Variants in DCC observed in about 807,000 individuals in gnomAD.
The protein encoded by DCC is netrin receptor DCC.
DCC carries 58 observed loss-of-function variants against 172.5 expected under a neutral mutation model. The ratio of observed to expected loss-of-function variants is 0.34; its 90% CI spans 0.27 to 0.42. The LOEUF (loss-of-function observed/expected upper bound fraction) is 0.42, where lower values mean the gene tolerates loss of function less well. Ranked by LOEUF, DCC falls within the 10% of genes least tolerant of loss-of-function variation. DCC has a pLI of 1.00. For missense variants in DCC, 1,740 were observed against 1,791.0 expected (o/e 0.97, Z 0.51); for synonymous variants, 709 against 644.5 (o/e 1.10, Z -1.52).
intron 17 of DCC, among the ~76,000 whole-genome samples, chr18:53,395,887 T>C (rs1369418501): frequency 6.6e-6 from 1 of 152,088 alleles, no homozygotes. Flanking sequence ...GAGTGATCCA[T>C]CCGCCTCGGC....
intron 28 of DCC, chr18:53,527,089 ACGTGTGTGTG>A (rs1346722898): frequency 1.0e-5 from 3 of 297,154 alleles, no homozygotes; most frequent in East Asian, 1.5e-4. Context: ...ACACATGGAT[ACGTGTGTGTG>A]TGTGTGTGTG....
At chr18:53,133,239 G>A (rs1251714530) in intron 7 of DCC, among the ~76,000 whole-genome samples, 1 of 152,186 alleles carries the variant, frequency 6.6e-6, no homozygotes, top group Admixed American at 6.5e-5. Flanking sequence ...CCAGCAAGTT[G>A]CTGGGAATAC....
At chr18:53,499,647 G>A in intron 27 of DCC, 137 bp downstream of exon 27, 1 of 787,678 alleles carries the variant, frequency 1.3e-6, no homozygotes, top group South Asian at 1.4e-5. Context: ...GCTCATTTTT[G>A]TTACTGATGC....
intron 12 of DCC, among the ~76,000 whole-genome samples, chr18:53,280,471 T>C (rs1218666593): frequency 2.0e-5 from 3 of 152,144 alleles, no homozygotes; most frequent in African/African-American, 7.2e-5. Flanking sequence ...ATTTTGAACG[T>C]CTACCTGATT....
At chr18:52,896,983 G>A (rs1253945759) in intron 2 of DCC, among the ~76,000 whole-genome samples, 1 of 152,168 alleles carries the variant, frequency 6.6e-6, no homozygotes, top group Non-Finnish European at 1.5e-5. Context: ...GGGTCCTGAG[G>A]ATATTACTAA....
chr18:53,049,133 C>T (rs6508189), intron 5 of DCC, among the ~76,000 whole-genome samples: 43,028 of 151,620 alleles, frequency 0.28, 6,638 homozygotes, highest in African/African-American at 0.4. Flanking sequence ...ATTCTGTAGG[C>T]TGTCTGTTCA....
At chr18:52,477,290 C>T (rs1032124582) in intron 1 of DCC, among the ~76,000 whole-genome samples, 1 of 152,140 alleles carries the variant, frequency 6.6e-6, no homozygotes. Flanking sequence ...TTCACCAAAG[C>T]CATCAATACT....
intron 9 of DCC, among the ~76,000 whole-genome samples, chr18:53,199,504 G>C (rs1245405004): frequency 6.6e-6 from 1 of 151,906 alleles, no homozygotes; most frequent in African/African-American, 2.4e-5. Context: ...ATACTTTATG[G>C]ATATGGAGCT....
chr18:53,395,904 A>T (rs1479358880), intron 17 of DCC, among the ~76,000 whole-genome samples: 1 of 152,192 alleles, frequency 6.6e-6, no homozygotes, highest in Non-Finnish European at 1.5e-5. Context: ...CGGCCTCCCA[A>T]AGTGCTGGGA....
chr18:52,876,979 A>T (rs982965175), intron 2 of DCC, among the ~76,000 whole-genome samples: 1 of 152,254 alleles, frequency 6.6e-6, no homozygotes, highest in Non-Finnish European at 1.5e-5. Context: ...CAGATAAACA[A>T]TGAATATGTT....
intron 2 of DCC, among the ~76,000 whole-genome samples, chr18:52,796,098 A>G (rs1034843341): frequency 2.1e-5 from 2 of 93,848 alleles, no homozygotes; most frequent in Non-Finnish European, 5.6e-5. Flanking sequence ...TTTACATGGA[A>G]TATCTTTTTT....
At chr18:52,359,434 C>T (rs1036773252) in intron 1 of DCC, among the ~76,000 whole-genome samples, 3 of 152,136 alleles carry the variant, frequency 2.0e-5, no homozygotes, top group African/African-American at 7.2e-5. Context: ...CTCAGGCTCC[C>T]TTGCAGCTAG....
At chr18:52,501,699 A>T (rs2031027666) in intron 1 of DCC, among the ~76,000 whole-genome samples, 1 of 152,132 alleles carries the variant, frequency 6.6e-6, no homozygotes, top group African/African-American at 2.4e-5. Context: ...GTCACCTCTG[A>T]GGTCCCTTTC....
intron 5 of DCC, among the ~76,000 whole-genome samples, chr18:53,033,393 T>C (rs1385007553): frequency 1.3e-5 from 2 of 152,184 alleles, no homozygotes; most frequent in African/African-American, 2.4e-5. Context: ...TGGGTGACTC[T>C]TTCGCAATGT....
intron 2 of DCC, among the ~76,000 whole-genome samples, chr18:52,885,182 G>A (rs928228850): frequency 3.9e-5 from 6 of 152,044 alleles, no homozygotes; most frequent in African/African-American, 1.4e-4. Flanking sequence ...TTCACTCAAG[G>A]ATGTAGGATT....
At chr18:53,319,804 G>C (rs1275853820) in intron 13 of DCC, among the ~76,000 whole-genome samples, 1 of 152,174 alleles carries the variant, frequency 6.6e-6, no homozygotes, top group East Asian at 1.9e-4. Flanking sequence ...TTATCTGAAT[G>C]AATCTGGGCC....
chr18:52,868,439 C>G (rs916840347), intron 2 of DCC, among the ~76,000 whole-genome samples: 1 of 152,108 alleles, frequency 6.6e-6, no homozygotes, highest in Non-Finnish European at 1.5e-5. Flanking sequence ...CTCTGATAAC[C>G]TACAAATTTG....
intron 13 of DCC, among the ~76,000 whole-genome samples, chr18:53,306,325 C>A (rs1227392169): frequency 6.6e-6 from 1 of 152,236 alleles, no homozygotes; most frequent in Middle Eastern, 3.4e-3. Context: ...CTTTAATTCA[C>A]AACAGCTCAG....
In DCC at chr18:53,100,240, C is replaced by T. The variant is rs572558731; in HGVS notation, c.1261+34074C>T. ...TGGGATTACAGTGTGAGCCACTGTG[C>T]CCAGCCACTTAGGAGACTTTCCATT... On this transcript the variant is annotated intron_variant, in intron 7 of 28. Coordinates refer to ENST00000442544, the MANE Select transcript of DCC (RefSeq NM_005215.4). Among the ~76,000 whole-genome samples the T allele has an allele frequency of 4.7e-4, 71 of 152,074 alleles. 4 individuals are homozygous for T. In the South Asian group the frequency reaches 0.014, roughly 31 times the overall value.
Sources: gnomAD v4.1 joint callset for allele counts (sites outside exome capture counted in the v4.1 genomes callset) on GRCh38, gnomAD v4.1.1 for gene constraint, MANE v1.5 for transcripts, NCBI Gene and HGNC (gene_info 2026-07-23, HGNC 2026-07-21) for gene names.